SPHKAP: variants seen among roughly 807,000 people sequenced by gnomAD.
SPHKAP encodes A-kinase anchor protein SPHKAP.
Under a neutral mutation model 137.5 loss-of-function variants are expected in SPHKAP, and 67 were observed. That is an observed-to-expected ratio of 0.49 (90% CI 0.40 to 0.60). The LOEUF (loss-of-function observed/expected upper bound fraction) is 0.60, where lower values mean the gene tolerates loss of function less well. Ranked by LOEUF, SPHKAP falls within the 20% of genes least tolerant of loss-of-function variation. The probability of loss-of-function intolerance (pLI) is 0.00; values close to 1 mark genes in which losing one functional copy is unlikely to be tolerated. For missense variants in SPHKAP, 2,097 were observed against 2,069.3 expected (o/e 1.01, Z -0.26); for synonymous variants, 813 against 785.3 (o/e 1.04, Z -0.59).
At chr2:228,161,622 AG>A (rs539440891) in intron 1 of SPHKAP, among the ~76,000 whole-genome samples, 1 of 152,162 alleles carries the variant, frequency 6.6e-6, no homozygotes, top group Non-Finnish European at 1.5e-5. Context: ...GTGGGTTGAT[AG>A]GTGCAGCAAA....
Position 228,134,994 on chromosome 2 carries a change from G to C in SPHKAP, c.33-2909C>G, listed in dbSNP as rs182720744. 4.2e-3 allele frequency among the ~76,000 whole-genome samples: 633 copies of C among 152,284 alleles called. 2 individuals are homozygous for C. The highest frequency in any genetic ancestry group is 8.5e-3 in the South Asian group (41 of 4,828). The stretch of plus-strand genomic sequence containing the variant: ...AACGTCGTAGAAAGACCACTTCAAG[G>C]CCGGGTGCAGTGGCTCACGCCTGTA... On this transcript the variant is annotated intron_variant, in intron 1 of 11. Transcript: ENST00000392056.
At chr2:227,998,021 G>A (rs1693699461) in intron 7 of SPHKAP, among the ~76,000 whole-genome samples, 1 of 152,112 alleles carries the variant, frequency 6.6e-6, no homozygotes, top group African/African-American at 2.4e-5. Context: ...TTGTTTGTTT[G>A]TTTGAGACAA....
At chr2:228,031,217 A>C (rs1401879016) in intron 3 of SPHKAP, among the ~76,000 whole-genome samples, 5 of 152,242 alleles carry the variant, frequency 3.3e-5, no homozygotes, top group African/African-American at 1.2e-4. Context: ...CCAGGAGATT[A>C]TATCCCGCAC....
intron 5 of SPHKAP, among the ~76,000 whole-genome samples, chr2:228,024,790 C>G (rs557074689): frequency 6.6e-6 from 1 of 152,156 alleles, no homozygotes; most frequent in African/African-American, 2.4e-5. Flanking sequence ...ACTTACATAT[C>G]TTTAAATAAA....
intron 3 of SPHKAP, among the ~76,000 whole-genome samples, chr2:228,030,115 T>G (rs555978602): frequency 2.6e-5 from 4 of 152,188 alleles, no homozygotes; most frequent in African/African-American, 9.7e-5. Context: ...ACAAACCAAC[T>G]TCTTGCTTAT....
At chr2:227,993,361 G>A (rs539342882) in intron 9 of SPHKAP, among the ~76,000 whole-genome samples, 173 bp downstream of exon 9, 7 of 152,176 alleles carry the variant, frequency 4.6e-5, no homozygotes, top group Non-Finnish European at 1.0e-4. Context: ...GAAAGCAGGT[G>A]GTGGTAGGGC....
chr2:228,084,053 C>G (rs1364739531), intron 3 of SPHKAP, among the ~76,000 whole-genome samples: 1 of 149,128 alleles, frequency 6.7e-6, no homozygotes, highest in Non-Finnish European at 1.5e-5. Context: ...ACCTATGTAA[C>G]AAACCTGCAC....
chr2:228,042,858 C>T (rs1695903766), intron 3 of SPHKAP, among the ~76,000 whole-genome samples: 1 of 152,110 alleles, frequency 6.6e-6, no homozygotes, highest in Middle Eastern at 3.2e-3. Flanking sequence ...GGCTATGGAA[C>T]ATTTAATTAA....
At chr2:228,056,583 C>CAAAA (rs35406042) in intron 3 of SPHKAP, among the ~76,000 whole-genome samples, 1 of 118,144 alleles carries the variant, frequency 8.5e-6, no homozygotes, top group Non-Finnish European at 1.9e-5. Flanking sequence ...AGTAAATGAG[C>CAAAA]AAAAAAAAAA....
chr2:228,029,107 G>T (rs1695182972), intron 3 of SPHKAP, among the ~76,000 whole-genome samples: 1 of 152,194 alleles, frequency 6.6e-6, no homozygotes, highest in African/African-American at 2.4e-5. Flanking sequence ...GGAAGTGTTG[G>T]TAATTAGGTC....
At chr2:227,993,970 A>G in intron 8 of SPHKAP, 1 of 827,320 alleles carries the variant, frequency 1.2e-6, no homozygotes, top group Non-Finnish European at 1.5e-6. Flanking sequence ...GTATTTATCT[A>G]TCGGCAAGAG....
intron 7 of SPHKAP, among the ~76,000 whole-genome samples, chr2:228,016,116 G>C (rs1211035158): frequency 6.6e-6 from 1 of 152,030 alleles, no homozygotes; most frequent in Non-Finnish European, 1.5e-5. Context: ...TTTAAGAAGA[G>C]ATTTACTTTC....
chr2:228,080,751 A>G (rs1367186012), intron 3 of SPHKAP, among the ~76,000 whole-genome samples: 7 of 48,580 alleles, frequency 1.4e-4, no homozygotes, highest in African/African-American at 5.0e-4. Context: ...ATAAAATAAA[A>G]TAAAATAAAA....
At chr2:228,035,564 G>A (rs1271389809) in intron 3 of SPHKAP, among the ~76,000 whole-genome samples, 10 of 152,142 alleles carry the variant, frequency 6.6e-5, no homozygotes, top group East Asian at 3.9e-4. Context: ...AAAAGAGCCT[G>A]TATCGCCAAG....
At chr2:228,041,036 T>C (rs1665293707) in intron 3 of SPHKAP, among the ~76,000 whole-genome samples, 1 of 152,196 alleles carries the variant, frequency 6.6e-6, no homozygotes, top group Non-Finnish European at 1.5e-5. Flanking sequence ...AAAAATGTGC[T>C]CTGGGCTATA....
intron 2 of SPHKAP, among the ~76,000 whole-genome samples, chr2:228,111,835 T>C (rs1698528281): frequency 6.6e-6 from 1 of 152,114 alleles, no homozygotes; most frequent in African/African-American, 2.4e-5. Flanking sequence ...GGCTGTCTTA[T>C]ATACCCATAC....
At chr2:228,073,167 A>T (rs1160621886) in intron 3 of SPHKAP, among the ~76,000 whole-genome samples, 2 of 152,230 alleles carry the variant, frequency 1.3e-5, no homozygotes, top group African/African-American at 4.8e-5. Flanking sequence ...TTGACCCCAA[A>T]TCTAACAGCT....
At chr2:228,115,188 T>C (rs1041922329) in intron 2 of SPHKAP, among the ~76,000 whole-genome samples, 7 of 152,140 alleles carry the variant, frequency 4.6e-5, no homozygotes, top group Non-Finnish European at 1.0e-4. Flanking sequence ...CCTTATCGTT[T>C]GCAGAGTCTC....
intron 1 of SPHKAP, among the ~76,000 whole-genome samples, chr2:228,146,236 G>A (rs539181816): frequency 1.3e-5 from 2 of 151,968 alleles, no homozygotes; most frequent in African/African-American, 4.8e-5. Context: ...TTGTTACAAC[G>A]GATGAACACC....
Sources: allele counts gnomAD v4.1 joint callset (sites outside exome capture counted in the v4.1 genomes callset), GRCh38; gene constraint gnomAD v4.1.1; transcripts MANE v1.5; gene names NCBI Gene and HGNC (gene_info 2026-07-23, HGNC 2026-07-21).